Variants in ADGRF1 observed in about 807,000 individuals in gnomAD.
ADGRF1 encodes G protein-coupled receptor 110.
Under a neutral mutation model 87.2 loss-of-function variants are expected in ADGRF1, and 85 were observed. That is an observed-to-expected ratio of 0.97 (90% CI 0.82 to 1.17). The LOEUF (loss-of-function observed/expected upper bound fraction) is 1.17. Among genes scored for constraint, ADGRF1 ranks in the 50% most tolerant of loss-of-function variants. The pLI is 0.00. For missense variants in ADGRF1, 1,169 were observed against 1,077.2 expected (o/e 1.09, Z -1.19); for synonymous variants, 430 against 408.8 (o/e 1.05, Z -0.63).
At chr6:47,038,887 C>T (rs944685811) in intron 1 of ADGRF1, among the ~76,000 whole-genome samples, 1 of 152,174 alleles carries the variant, frequency 6.6e-6, no homozygotes, top group African/African-American at 2.4e-5. Context: ...GCTTGATTAT[C>T]TAAGAGACGA....
At position 47,001,570 on chromosome 6, in the gene ADGRF1, G is replaced by A; in HGVS notation, c.2593-3C>T. ...GCAGATAAATCTGATGAGTTTTGCT[G>A]CACAAAATAAAAATAAGTCATTTGG... On this transcript the variant is annotated splice_region_variant and splice_polypyrimidine_tract_variant and intron_variant, in intron 13 of 14. Coordinates refer to ENST00000371253, the MANE Select transcript of ADGRF1 (RefSeq NM_153840.4). 2 of 1,612,652 alleles carry A rather than the reference G, an allele frequency of 1.2e-6. No individual in the cohort carries two copies. Among genetic ancestry groups the A allele is most frequent in the Non-Finnish European group, 8.5e-7 (1 of 1,179,060 alleles).
At chr6:47,041,592 CA>C (rs1347147323) in intron 1 of ADGRF1, among the ~76,000 whole-genome samples, 15 of 152,184 alleles carry the variant, frequency 9.9e-5, no homozygotes, top group African/African-American at 3.1e-4. Context: ...TAAGAAAATA[CA>C]GTGTGACATT....
At chr6:47,018,746 A>C in intron 7 of ADGRF1, 1 of 290,080 alleles carries the variant, frequency 3.4e-6, no homozygotes. Context: ...ACCCTTCTTT[A>C]TTTTTTAAAA....
intron 9 of ADGRF1, 75 bp downstream of exon 9, chr6:47,014,606 C>G: frequency 6.4e-7 from 1 of 1,560,718 alleles, no homozygotes. Flanking sequence ...TACCCTCCAC[C>G]TAGCCATGCT....
In ADGRF1 at chr6:46,998,070, G is replaced by C. The variant is rs1452733959; in HGVS notation, c.*2152C>G. ...TGCGCTAGCACATCTTCCCTTGCTG[G>C]TTGACATTTTTGCTAAGATTTCTCC... On this transcript the variant is annotated 3_prime_UTR_variant, in exon 15 of 15. Coordinates refer to ENST00000371253, the MANE Select transcript of ADGRF1 (RefSeq NM_153840.4). 6.6e-6 allele frequency: 1 copy of C among 152,144 alleles called. No individual in the cohort carries two copies. The highest frequency in any genetic ancestry group is 1.5e-5 in the Non-Finnish European group (1 of 68,002). 9.4% of individuals were successfully genotyped at this position (152,144 alleles called of 1,614,324 possible).
intron 14 of ADGRF1, 99 bp downstream of exon 14, chr6:47,001,402 A>T: frequency 1.0e-6 from 1 of 957,512 alleles, no homozygotes; most frequent in South Asian, 1.6e-5. Context: ...CACACTTCTC[A>T]CATGAGTTTC....
intron 13 of ADGRF1, 92 bp from the exon 14 acceptor site, chr6:47,001,659 C>T (rs1389039047): frequency 1.0e-6 from 1 of 976,446 alleles, no homozygotes; most frequent in East Asian, 2.5e-5. Flanking sequence ...ATTCATGATT[C>T]TTTATTTCAT....
intron 9 of ADGRF1, 110 bp from the exon 10 acceptor site, chr6:47,012,305 A>C: frequency 6.7e-7 from 1 of 1,489,678 alleles, no homozygotes; most frequent in Non-Finnish European, 8.9e-7. Flanking sequence ...GTGTGTTCTA[A>C]TGTAGGATAA....
At chr6:47,007,120 TA>T in intron 12 of ADGRF1, 132 bp downstream of exon 12, 1 of 515,740 alleles carries the variant, frequency 1.9e-6, no homozygotes. Context: ...CTGACTTCTC[TA>T]AAAGCACAGA....
intron 9 of ADGRF1, chr6:47,014,114 C>T: frequency 4.1e-6 from 1 of 246,652 alleles, no homozygotes; most frequent in Non-Finnish European, 6.5e-6. Context: ...AGTGACCATG[C>T]TTCTAATTCA....
intron 7 of ADGRF1, chr6:47,019,213 A>G (rs1007741938): frequency 1.2e-6 from 1 of 814,216 alleles, no homozygotes; most frequent in African/African-American, 1.9e-5. Context: ...GTATAAATAG[A>G]AAACAAGGAT....
chr6:47,014,289 A>G, intron 9 of ADGRF1: 2 of 993,936 alleles, frequency 2.0e-6, no homozygotes, highest in Non-Finnish European at 2.4e-6. Context: ...TGGTATAGAT[A>G]TATCCTTACT....
intron 1 of ADGRF1, among the ~76,000 whole-genome samples, chr6:47,037,364 T>C (rs1780615834): frequency 6.6e-6 from 1 of 152,268 alleles, no homozygotes. Flanking sequence ...CTTTTGTCTT[T>C]GTCGCTCCTG....
At chr6:47,001,009 G>A (rs1052145425) in intron 14 of ADGRF1, among the ~76,000 whole-genome samples, 11 of 152,252 alleles carry the variant, frequency 7.2e-5, no homozygotes, top group Non-Finnish European at 1.3e-4. Context: ...GCCAGTGCAT[G>A]TCACAGGTGG....
At chr6:47,014,248 C>A in intron 9 of ADGRF1, 1 of 986,506 alleles carries the variant, frequency 1.0e-6, no homozygotes, top group Non-Finnish European at 1.2e-6. Flanking sequence ...TATGGTTCAC[C>A]TTTGTCTGAC....
intron 9 of ADGRF1, 54 bp downstream of exon 9, chr6:47,014,627 T>G: frequency 6.3e-7 from 1 of 1,586,626 alleles, no homozygotes; most frequent in Admixed American, 1.7e-5. Context: ...CACTGGGATA[T>G]TGCCACTCTG....
At chr6:47,014,404 A>G (rs1779799500) in intron 9 of ADGRF1, 2 of 1,132,454 alleles carry the variant, frequency 1.8e-6, no homozygotes, top group Admixed American at 4.6e-5. Context: ...ACCATCCATC[A>G]TAGACCTCCT....
chr6:47,016,409 C>T (rs1779880555), intron 8 of ADGRF1, among the ~76,000 whole-genome samples: 1 of 152,162 alleles, frequency 6.6e-6, no homozygotes, highest in African/African-American at 2.4e-5. Flanking sequence ...AGGTACAGAT[C>T]AGATTTCCAA....
Position 47,011,967 on chromosome 6 carries a change from A to G in ADGRF1, c.1116+40T>C, listed in dbSNP as rs1027019657. The G allele has an allele frequency of 3.2e-6, 5 of 1,564,266 alleles. No homozygotes were observed. In the African/African-American group the frequency reaches 6.8e-5, roughly 21 times the overall value. Reference sequence around the variant, plus strand: ...CTTTGTCATTCCTCCTACAGGATCAAGCATTTAAAGTGAGCCCTTCAAGCA... The same window carrying G: ...CTTTGTCATTCCTCCTACAGGATCAGGCATTTAAAGTGAGCCCTTCAAGCA... On this transcript the variant is annotated intron_variant, in intron 10 of 14. Transcript: ENST00000371253.
Sources: gnomAD v4.1 joint callset for allele counts (sites outside exome capture counted in the v4.1 genomes callset) on GRCh38, gnomAD v4.1.1 for gene constraint, MANE v1.5 for transcripts, NCBI Gene and HGNC (gene_info 2026-07-23, HGNC 2026-07-21) for gene names.